NRXN3: variants seen among roughly 807,000 people sequenced by gnomAD.
NRXN3 encodes the protein neurexin 3.
Under a neutral mutation model 137.6 loss-of-function variants are expected in NRXN3, and 32 were observed. The ratio of observed to expected loss-of-function variants is 0.23; its 90% CI spans 0.18 to 0.31. The LOEUF (loss-of-function observed/expected upper bound fraction) is 0.31, where lower values mean the gene tolerates loss of function less well. NRXN3 is among the 10% of genes least tolerant of loss of function. The probability of loss-of-function intolerance (pLI) is 1.00; values close to 1 mark genes in which losing one functional copy is unlikely to be tolerated. For missense variants in NRXN3, 1,574 were observed against 2,062.5 expected (o/e 0.76, Z 4.59); for synonymous variants, 798 against 784.5 (o/e 1.02, Z -0.29).
chr14:79,826,299 T>A (rs1047643126), intron 20 of NRXN3, among the ~76,000 whole-genome samples: 2 of 151,500 alleles, frequency 1.3e-5, no homozygotes, highest in Non-Finnish European at 2.9e-5. Context: ...AACCTGAGAT[T>A]TTTTTTTTAA....
In NRXN3 at chr14:78,709,434, C is replaced by T. The variant is rs764564162; in HGVS notation, c.1439C>T (p.Pro480Leu). The change falls in exon 7 of 21, where the codon CCC (proline) becomes CTC (leucine). Residue 480 changes from proline (P) to leucine (L), a missense_variant. By Grantham distance (98) the Pro-to-Leu change is moderately conservative (BLOSUM62 -3). Coordinates refer to ENST00000335750, the MANE Select transcript of NRXN3 (RefSeq NM_001330195.2). ...TCCTTTGACTTCCGCACCACAGAGC[C>T]CAATGGCCTGATCCTCTTCACTCAT... ...SISFDFRTTE[P>L]NGLILFTHGK... 1 of 1,614,106 alleles carries T rather than the reference C, an allele frequency of 6.2e-7. No individual in the cohort carries two copies. The highest frequency in any genetic ancestry group is 1.7e-5 in the Admixed American group (1 of 60,022).
intron 20 of NRXN3, among the ~76,000 whole-genome samples, chr14:79,844,196 G>T (rs915762987): frequency 1.3e-5 from 2 of 151,568 alleles, no homozygotes; most frequent in African/African-American, 4.9e-5. Context: ...TAATTATCTT[G>T]CTATTTCCAC....
intron 4 of NRXN3, among the ~76,000 whole-genome samples, chr14:78,429,085 T>C (rs968804013): frequency 4.6e-5 from 7 of 152,070 alleles, no homozygotes; most frequent in African/African-American, 1.7e-4. Flanking sequence ...ATTATTATTA[T>C]TATTTTTTGA....
chr14:79,650,571 T>G (rs2098471148), intron 16 of NRXN3, among the ~76,000 whole-genome samples: 1 of 152,126 alleles, frequency 6.6e-6, no homozygotes, highest in Admixed American at 6.5e-5. Context: ...TATCCAAGCC[T>G]TCTGATTCAA....
intron 15 of NRXN3, among the ~76,000 whole-genome samples, chr14:79,466,730 A>C (rs1207167993): frequency 6.6e-6 from 1 of 152,152 alleles, no homozygotes; most frequent in Non-Finnish European, 1.5e-5. Flanking sequence ...GAGAAGGTAC[A>C]AGCAGGAGAG....
chr14:79,726,533 T>C (rs1399294252), intron 19 of NRXN3, among the ~76,000 whole-genome samples: 5 of 152,148 alleles, frequency 3.3e-5, no homozygotes. Context: ...GCTCTTTTAA[T>C]TGATTTGTAA....
intron 15 of NRXN3, among the ~76,000 whole-genome samples, chr14:79,250,019 A>G (rs2075722127): frequency 6.6e-6 from 1 of 152,238 alleles, no homozygotes; most frequent in African/African-American, 2.4e-5. Context: ...GTATACAGAG[A>G]GCTGTCAAGT....
chr14:78,524,979 G>A (rs1053965770), intron 4 of NRXN3, among the ~76,000 whole-genome samples: 3 of 152,072 alleles, frequency 2.0e-5, no homozygotes, highest in East Asian at 1.9e-4. Context: ...TAATCCGCTC[G>A]GCATAATCCT....
intron 15 of NRXN3, among the ~76,000 whole-genome samples, chr14:79,244,995 T>A (rs1356219717): frequency 1.3e-5 from 2 of 152,094 alleles, no homozygotes; most frequent in African/African-American, 4.8e-5. Context: ...GGAAGGAGGT[T>A]AGCTTTTGAA....
At chr14:78,174,546 G>C (rs1330576850) in intron 1 of NRXN3, among the ~76,000 whole-genome samples, 1 of 152,188 alleles carries the variant, frequency 6.6e-6, no homozygotes, top group Admixed American at 6.5e-5. Flanking sequence ...TCAAGCACCA[G>C]CGTGCCTCCA....
At chr14:78,196,585 A>C (rs1430364138) in intron 1 of NRXN3, among the ~76,000 whole-genome samples, 2 of 152,228 alleles carry the variant, frequency 1.3e-5, no homozygotes, top group African/African-American at 4.8e-5. Context: ...TCATTCCTTT[A>C]TCATTTTAAA....
intron 19 of NRXN3, among the ~76,000 whole-genome samples, chr14:79,708,313 T>C (rs1360582681): frequency 6.6e-6 from 1 of 152,112 alleles, no homozygotes; most frequent in Admixed American, 6.6e-5. Flanking sequence ...AAGATGTGTA[T>C]AGGTTACATG....
chr14:78,568,090 A>G (rs1224597941), intron 4 of NRXN3, among the ~76,000 whole-genome samples: 2 of 152,192 alleles, frequency 1.3e-5, no homozygotes, highest in African/African-American at 4.8e-5. Flanking sequence ...TGGAGAGAGC[A>G]GTGGATGCTG....
At chr14:78,617,091 C>T (rs569340256) in intron 4 of NRXN3, among the ~76,000 whole-genome samples, 168 of 152,254 alleles carry the variant, frequency 1.1e-3, no homozygotes, top group African/African-American at 3.9e-3. Flanking sequence ...AGTGAGGAAG[C>T]AGCTTGGTTA....
chr14:78,500,324 G>T (rs370399213), intron 4 of NRXN3, among the ~76,000 whole-genome samples: 45 of 152,196 alleles, frequency 3.0e-4, no homozygotes, highest in African/African-American at 1.1e-3. Flanking sequence ...GAGATGCTTT[G>T]TTTTTCCCCT....
intron 4 of NRXN3, among the ~76,000 whole-genome samples, chr14:78,589,030 C>T (rs906226954): frequency 2.0e-5 from 3 of 152,180 alleles, no homozygotes; most frequent in Non-Finnish European, 4.4e-5. Context: ...GTATTTGCTG[C>T]TTGGGAATCT....
intron 17 of NRXN3, among the ~76,000 whole-genome samples, chr14:79,674,769 T>C (rs2098631621): frequency 6.6e-6 from 1 of 152,154 alleles, no homozygotes; most frequent in Non-Finnish European, 1.5e-5. Flanking sequence ...TTCTGCCTGA[T>C]GCACAATTGC....
At chr14:79,639,337 G>A (rs2153955719) in intron 16 of NRXN3, among the ~76,000 whole-genome samples, 1 of 152,208 alleles carries the variant, frequency 6.6e-6, no homozygotes, top group Admixed American at 6.6e-5. Flanking sequence ...GTACCCAATA[G>A]TTATTTTTTT....
At chr14:79,842,299 A>C (rs1294671663) in intron 20 of NRXN3, among the ~76,000 whole-genome samples, 1 of 152,200 alleles carries the variant, frequency 6.6e-6, no homozygotes, top group East Asian at 1.9e-4. Context: ...GTTAGTGAGC[A>C]GGCTGGTTCG....
Sources: gnomAD v4.1 joint callset for allele counts (sites outside exome capture counted in the v4.1 genomes callset) on GRCh38, gnomAD v4.1.1 for gene constraint, MANE v1.5 for transcripts, NCBI Gene and HGNC (gene_info 2026-07-23, HGNC 2026-07-21) for gene names.